The following RALYL variants were observed in gnomAD, a reference collection of about 807,000 sequenced individuals.
RALYL encodes RNA-binding Raly-like protein.
Under a neutral mutation model 35.1 loss-of-function variants are expected in RALYL, and 29 were observed. That is an observed-to-expected ratio of 0.83 (90% CI 0.61 to 1.13). RALYL has a LOEUF of 1.13. Among genes scored for constraint, RALYL ranks in the 50% most tolerant of loss-of-function variants. RALYL has a pLI of 0.00. For missense variants in RALYL, 359 were observed against 360.4 expected, an observed-to-expected ratio of 1.00 and a Z score of 0.03; for synonymous variants, 120 against 127.6, an observed-to-expected ratio of 0.94 and a Z score of 0.40.
chr8:84,495,053 A>G (rs978492197), intron 1 of RALYL, among the ~76,000 whole-genome samples: 25 of 151,958 alleles, frequency 1.6e-4, no homozygotes, highest in Non-Finnish European at 3.2e-4. Context: ...TTGATTTTAT[A>G]ATTTTGAGAT....
chr8:84,466,915 C>G (rs1356043289), intron 1 of RALYL, among the ~76,000 whole-genome samples: 8 of 151,792 alleles, frequency 5.3e-5, no homozygotes, highest in East Asian at 1.9e-4. Context: ...TCTAGATTTT[C>G]TAGTTTATTT....
At chr8:84,618,402 T>C (rs1377115699) in intron 2 of RALYL, among the ~76,000 whole-genome samples, 2 of 151,526 alleles carry the variant, frequency 1.3e-5, no homozygotes, top group Non-Finnish European at 2.9e-5. Context: ...TAGTATTCTC[T>C]GATGGTAGTT....
chr8:84,525,953 CTT>C (rs35794329), intron 1 of RALYL, among the ~76,000 whole-genome samples: 95 of 104,844 alleles, frequency 9.1e-4, no homozygotes, highest in African/African-American at 3.2e-3. Context: ...TTTCTTTTTT[CTT>C]TTTTTTTTTT....
intron 2 of RALYL, chr8:84,665,655 C>G (rs761514245): frequency 1.3e-5 from 2 of 152,034 alleles, no homozygotes; most frequent in East Asian, 3.9e-4. Context: ...TCGTGATATC[C>G]CCTTATCATT....
intron 1 of RALYL, among the ~76,000 whole-genome samples, chr8:84,528,909 T>G (rs2059087674): frequency 6.6e-6 from 1 of 152,142 alleles, no homozygotes; most frequent in African/African-American, 2.4e-5. Context: ...GAGGTTACAT[T>G]TCTTTATTAC....
chr8:84,789,593 C>T (rs1047492477), intron 3 of RALYL, among the ~76,000 whole-genome samples: 1 of 151,908 alleles, frequency 6.6e-6, no homozygotes, highest in African/African-American at 2.4e-5. Context: ...TGCGGTGGTT[C>T]ACACCTATAA....
At chr8:84,887,070 G>A (rs1359421094) in intron 7 of RALYL, among the ~76,000 whole-genome samples, 1 of 152,024 alleles carries the variant, frequency 6.6e-6, no homozygotes, top group Admixed American at 6.6e-5. Flanking sequence ...AAAATTTCCG[G>A]CAATTATTCA....
At chr8:84,489,353 C>G (rs1381635354) in intron 1 of RALYL, among the ~76,000 whole-genome samples, 1 of 151,882 alleles carries the variant, frequency 6.6e-6, no homozygotes, top group Non-Finnish European at 1.5e-5. Context: ...AAGTTAAAAT[C>G]AATAAGCCAG....
At chr8:84,524,735 A>C (rs1480682990) in intron 1 of RALYL, among the ~76,000 whole-genome samples, 1 of 152,076 alleles carries the variant, frequency 6.6e-6, no homozygotes, top group Non-Finnish European at 1.5e-5. Flanking sequence ...ATTTATTCTG[A>C]TCACATTTCT....
chr8:84,298,629 C>T lies in RALYL; in HGVS notation c.-24+114205C>T, dbSNP rs145499287. Among the ~76,000 whole-genome samples, 767 of 152,188 alleles carry T rather than the reference C, an allele frequency of 5.0e-3. 9 individuals are homozygous for T. The highest frequency in any genetic ancestry group is 0.016 in the African/African-American group (685 of 41,548). Reference sequence around the variant, plus strand: ...GGGTTTGTTAGGAATAGCATTGAATCTGTAAGTTGCTTTGGGCAGTATGTC... The same window carrying T: ...GGGTTTGTTAGGAATAGCATTGAATTTGTAAGTTGCTTTGGGCAGTATGTC... On this transcript the variant is annotated intron_variant, in intron 1 of 8. Transcript: ENST00000521268.
intron 2 of RALYL, among the ~76,000 whole-genome samples, chr8:84,719,728 T>C (rs1476604294): frequency 1.3e-5 from 2 of 152,152 alleles, no homozygotes; most frequent in Non-Finnish European, 2.9e-5. Context: ...TACATATATA[T>C]TGGATAATTA....
chr8:84,666,531 G>A (rs778174474), intron 2 of RALYL, among the ~76,000 whole-genome samples: 6 of 151,978 alleles, frequency 3.9e-5, no homozygotes, highest in Non-Finnish European at 5.9e-5. Flanking sequence ...TCCTGGCCCC[G>A]CATTTGTGCC....
At chr8:84,650,414 C>G (rs184937138) in intron 2 of RALYL, among the ~76,000 whole-genome samples, 9 of 152,154 alleles carry the variant, frequency 5.9e-5, no homozygotes, top group South Asian at 2.1e-4. Context: ...AGGCGAAAGA[C>G]GTGAAAAGAC....
At chr8:84,882,326 A>C (rs1842296187) in intron 7 of RALYL, among the ~76,000 whole-genome samples, 1 of 152,038 alleles carries the variant, frequency 6.6e-6, no homozygotes, top group South Asian at 2.1e-4. Flanking sequence ...TCCAATAAGC[A>C]CTGGAAGACT....
chr8:84,609,186 A>G (rs1441579444), intron 2 of RALYL, among the ~76,000 whole-genome samples: 3 of 152,154 alleles, frequency 2.0e-5, no homozygotes, highest in Non-Finnish European at 4.4e-5. Context: ...TTGAGGTTCT[A>G]TAAGATCTAT....
rs542855389 is a variant in RALYL, at chr8:84,420,007, C to T, written c.-23-109292C>T. Among the ~76,000 whole-genome samples the T allele has an allele frequency of 5.4e-3, 810 of 150,710 alleles. 7 individuals are homozygous for T. Among genetic ancestry groups the T allele is most frequent in the Non-Finnish European group, 7.2e-3 (486 of 67,740 alleles). On this transcript the variant is annotated intron_variant, in intron 1 of 8. Coordinates refer to ENST00000521268, the MANE Select transcript of RALYL (RefSeq NM_173848.7). ...TGTGAATAATGCCGCAATAAACATACGTGTGCATGTGTCTTTATAGCAGCA... is the reference window on the plus strand; with the variant it reads ...TGTGAATAATGCCGCAATAAACATATGTGTGCATGTGTCTTTATAGCAGCA...
chr8:84,774,366 C>T (rs1816321435), intron 2 of RALYL, among the ~76,000 whole-genome samples: 1 of 152,062 alleles, frequency 6.6e-6, no homozygotes, highest in Non-Finnish European at 1.5e-5. Flanking sequence ...ATGTAAGTTC[C>T]ACAAGGGCAG....
chr8:84,761,055 G>A (rs1330571365), intron 2 of RALYL, among the ~76,000 whole-genome samples: 1 of 151,894 alleles, frequency 6.6e-6, no homozygotes, highest in Non-Finnish European at 1.5e-5. Context: ...AAAATATTGG[G>A]GCTAAAATAT....
intron 1 of RALYL, among the ~76,000 whole-genome samples, chr8:84,454,540 T>G (rs1012982732): frequency 2.0e-5 from 3 of 152,034 alleles, no homozygotes; most frequent in African/African-American, 7.2e-5. Context: ...GTGTTCGAGG[T>G]GGGGTCCTTG....
Sources: allele counts gnomAD v4.1 joint callset (sites outside exome capture counted in the v4.1 genomes callset), GRCh38; gene constraint gnomAD v4.1.1; transcripts MANE v1.5; gene names NCBI Gene and HGNC (gene_info 2026-07-23, HGNC 2026-07-21).